The following VRTN variants were observed in gnomAD, a reference collection of about 807,000 sequenced individuals.
VRTN encodes the protein vertebrae development associated.
A neutral mutation model predicts 18.2 loss-of-function variants in VRTN; 5 were observed. The ratio of observed to expected loss-of-function variants is 0.27; its 90% confidence interval spans 0.14 to 0.58. The LOEUF is 0.58. Among genes scored for constraint, VRTN ranks in the 20% least tolerant of loss-of-function variants. The pLI is 0.91. For synonymous variants in VRTN, 381 were observed against 393.7 expected, an observed-to-expected ratio of 0.97 and a Z score of 0.38; for missense variants, 741 against 939.4, an observed-to-expected ratio of 0.79 and a Z score of 2.76.
At chr14:74,334,563 A>G (rs1035020686) in intron 1 of VRTN, among the ~76,000 whole-genome samples, 4 of 152,138 alleles carry the variant, frequency 2.6e-5, no homozygotes, top group African/African-American at 9.7e-5. Context: ...GGGGAGAAAC[A>G]TAGCTTTTTG....
intron 1 of VRTN, among the ~76,000 whole-genome samples, chr14:74,319,992 T>C (rs1218660754): frequency 6.6e-6 from 1 of 152,176 alleles, no homozygotes; most frequent in Middle Eastern, 3.2e-3. Flanking sequence ...CTCATGCCTG[T>C]AATCCCAGCA....
Position 74,358,290 on chromosome 14 carries a change from C to G in VRTN, c.1507C>G (p.Pro503Ala), listed in dbSNP as rs200906588. The G allele has an allele frequency of 6.2e-6, 10 of 1,611,316 alleles. No individual in the cohort carries two copies. In the East Asian group the frequency reaches 2.2e-4, roughly 36 times the overall value. ...APGELLPLRMPLSRWQRRLRR... is the reference protein window; with the variant it reads ...APGELLPLRMALSRWQRRLRR... ...CGGGGAGCTCCTGCCACTAAGGATGCCCCTGTCCCGTTGGCAGAGGCGTCT... is the reference window on the plus strand; with the variant it reads ...CGGGGAGCTCCTGCCACTAAGGATGGCCCTGTCCCGTTGGCAGAGGCGTCT... The change falls in exon 2 of 2, where the codon CCC becomes GCC. Residue 503 changes from proline to alanine, a missense_variant. Pro to Ala is a conservative substitution (Grantham distance 27). This residue lies in a region of VRTN where 494 missense variants were observed against 546.5 expected (regional missense o/e 0.90). Coordinates refer to ENST00000256362, the MANE Select transcript of VRTN (RefSeq NM_018228.3). The surrounding 1 kb of genome is among the most constrained non-coding windows in gnomAD (Gnocchi z 5.4).
Position 74,357,015 on chromosome 14 carries a change from G to C in VRTN, c.232G>C (p.Val78Leu), listed in dbSNP as rs2085732842. The C allele has an allele frequency of 6.2e-7, 1 of 1,609,784 alleles. No homozygotes were observed. Among genetic ancestry groups the C allele is most frequent in the Non-Finnish European group, 8.5e-7 (1 of 1,177,732 alleles). Residue 78 changes from valine to leucine, a missense_variant, in exon 2 of 2, where the codon GTG (valine) becomes CTG (leucine). Val to Leu is a conservative substitution (Grantham distance 32). This residue lies in a region of VRTN where 186 missense variants were observed against 288.3 expected (regional missense o/e 0.65). Coordinates refer to ENST00000256362, the MANE Select transcript of VRTN (RefSeq NM_018228.3). This position sits in a 1 kb window ranked among gnomAD's most constrained non-coding sequence, Gnocchi z 7.8. ...TGCTCCACGGAACATGCTGCCGCTG[G>C]TGTGCAAGGGGGAGGGCAGCCTGCT... ...EDAPRNMLPL[V>L]CKGEGSLLFE...
chr14:74,322,038 G>C (rs1219887287), intron 1 of VRTN, among the ~76,000 whole-genome samples: 4 of 151,522 alleles, frequency 2.6e-5, no homozygotes, highest in Non-Finnish European at 5.9e-5. Flanking sequence ...AGTAGAGACG[G>C]GGTTTCACCA....
At chr14:74,333,234 T>C (rs1303482912) in intron 1 of VRTN, among the ~76,000 whole-genome samples, 1 of 151,660 alleles carries the variant, frequency 6.6e-6, no homozygotes, top group Non-Finnish European at 1.5e-5. Context: ...AATACAAAAA[T>C]TAACTGGGTG....
chr14:74,345,081 T>C (rs2085634926), upstream of VRTN, among the ~76,000 whole-genome samples: 1 of 152,172 alleles, frequency 6.6e-6, no homozygotes, highest in Non-Finnish European at 1.5e-5. Flanking sequence ...AAGGTCTTGC[T>C]CTGTTGCTCA....
Position 74,358,587 on chromosome 14 carries a change from G to A in VRTN, c.1804G>A (p.Gly602Arg). ...GGCTTCTTCAGAAGATGTAGAGGGA[G>A]GGCCTTCCAGAGAGGGGGCCCTGCA... ...VGASSEDVEG[G>R]PSREGALQEG... Residue 602 changes from glycine (G) to arginine (R), a missense_variant, in exon 2 of 2, where the codon GGG (glycine) becomes AGG (arginine). Gly to Arg is a moderately radical substitution (Grantham distance 125, BLOSUM62 -2). Around this residue, in one of 3 missense-constraint regions of VRTN, gnomAD observed 494 missense variants for 546.5 expected, o/e 0.90. Transcript: ENST00000256362. This position sits in a 1 kb window ranked among gnomAD's most constrained non-coding sequence, Gnocchi z 5.4. 1 of 1,601,676 alleles carries A rather than the reference G, an allele frequency of 6.2e-7. No individual in the cohort carries two copies. Among genetic ancestry groups the A allele is most frequent in the South Asian group, 1.1e-5 (1 of 89,184 alleles).
chr14:74,331,215 T>C (rs1448577095), intron 1 of VRTN, among the ~76,000 whole-genome samples: 5 of 117,902 alleles, frequency 4.2e-5, no homozygotes, highest in African/African-American at 1.8e-4. Context: ...AATAAATAAA[T>C]AAATAAACAA....
At position 74,316,508 on chromosome 14, in the gene VRTN, TCAAA is replaced by T. The variant is rs545755714; in HGVS notation, c.-164+13349_-164+13352del. On this transcript the variant is annotated intron_variant, in intron 1 of 2. Transcript: ENST00000557177. ...AGCCTGGGCAACAAAGCGAGACATC[TCAAA>T]CAAACAAACAAACAAATGAACAAAC... Among the ~76,000 whole-genome samples, 118 of 150,054 alleles carry T rather than the reference TCAAA, an allele frequency of 7.9e-4. 3 individuals carry two copies. Among genetic ancestry groups the T allele is most frequent in the East Asian group, 6.0e-3 (30 of 5,034 alleles).
At chr14:74,332,548 G>A (rs974571298) in intron 1 of VRTN, among the ~76,000 whole-genome samples, 1 of 151,346 alleles carries the variant, frequency 6.6e-6, no homozygotes, top group Non-Finnish European at 1.5e-5. Context: ...GTAGAGATGG[G>A]GTTTCTCCAT....
chr14:74,344,733 T>TAAA (rs60479764), upstream of VRTN, among the ~76,000 whole-genome samples: 1 of 54,088 alleles, frequency 1.8e-5, no homozygotes, highest in Non-Finnish European at 2.9e-5. Context: ...AGACTCTGAC[T>TAAA]AAAAAAAAAA....
chr14:74,312,911 T>C (rs1412199692), intron 1 of VRTN, among the ~76,000 whole-genome samples: 1 of 151,962 alleles, frequency 6.6e-6, no homozygotes, highest in Non-Finnish European at 1.5e-5. Context: ...CCTGGCTAAG[T>C]TTTATATTTT....
At chr14:74,306,123 AAT>A (rs541879022) in intron 1 of VRTN, 1 of 144,596 alleles carries the variant, frequency 6.9e-6, no homozygotes, top group Admixed American at 7.0e-5. Context: ...ATATATGTAA[AAT>A]ATATATATGT....
At chr14:74,333,691 T>C (rs2085543965) in intron 1 of VRTN, among the ~76,000 whole-genome samples, 1 of 150,902 alleles carries the variant, frequency 6.6e-6, no homozygotes, top group Non-Finnish European at 1.5e-5. Context: ...AATACAAAAA[T>C]TAGCCAGGCA....
chr14:74,353,637 TTAAAAA>T (rs2085701947), intron 1 of VRTN, among the ~76,000 whole-genome samples: 1 of 152,160 alleles, frequency 6.6e-6, no homozygotes, highest in Non-Finnish European at 1.5e-5. Flanking sequence ...GTACACAAAA[TTAAAAA>T]TAAGAAATAA....
intron 1 of VRTN, among the ~76,000 whole-genome samples, chr14:74,312,754 GTT>G (rs57025624): frequency 8.4e-5 from 11 of 130,304 alleles, no homozygotes; most frequent in Admixed American, 1.6e-4. Flanking sequence ...CCTGGCCTGT[GTT>G]TTTTTTTTTT....
intron 2 of VRTN, among the ~76,000 whole-genome samples, chr14:74,338,415 G>T (rs1325095603): frequency 9.2e-5 from 14 of 152,222 alleles, no homozygotes; most frequent in Admixed American, 7.9e-4. Flanking sequence ...GCAAGTCATG[G>T]TAGCTCTCAT....
At chr14:74,319,007 G>A (rs573124658) in intron 1 of VRTN, among the ~76,000 whole-genome samples, 10 of 148,038 alleles carry the variant, frequency 6.8e-5, no homozygotes, top group Non-Finnish European at 1.5e-4. Flanking sequence ...GAGCCACTGT[G>A]CCTGGTCTCG....
chr14:74,310,884 G>A (rs1271957557), intron 1 of VRTN, among the ~76,000 whole-genome samples: 3 of 151,670 alleles, frequency 2.0e-5, no homozygotes, highest in African/African-American at 7.3e-5. Context: ...GGTAAAGACA[G>A]GGCCTCACTA....
Sources: allele counts gnomAD v4.1 joint callset (sites outside exome capture counted in the v4.1 genomes callset), GRCh38; gene constraint gnomAD v4.1.1; regional missense constraint gnomAD v4.1.1; non-coding constraint Gnocchi (gnomAD v3.1); transcripts MANE v1.5; gene names NCBI Gene and HGNC (gene_info 2026-07-23, HGNC 2026-07-21).